The following FBXL17 variants were observed in gnomAD, a reference collection of about 807,000 sequenced individuals.
FBXL17 encodes F-box/LRR-repeat protein 17.
In FBXL17, 22 loss-of-function variants were observed where a neutral mutation model predicts 66.2. The ratio of observed to expected loss-of-function variants is 0.33; its 90% CI spans 0.24 to 0.47. The LOEUF is 0.47. Among genes scored for constraint, FBXL17 ranks in the 20% least tolerant of loss-of-function variants. The pLI, the probability that FBXL17 is intolerant of heterozygous loss-of-function variation, is 1.00. For synonymous variants in FBXL17, 474 were observed against 400.5 expected (o/e 1.18, Z -2.19); for missense variants, 878 against 948.2 (o/e 0.93, Z 0.97).
chr5:108,065,962 A>G (rs141033808), intron 6 of FBXL17, among the ~76,000 whole-genome samples: 1 of 152,184 alleles, frequency 6.6e-6, no homozygotes, highest in Non-Finnish European at 1.5e-5. Context: ...CTAATGGTAC[A>G]TGAGTACCTG....
intron 7 of FBXL17, among the ~76,000 whole-genome samples, chr5:107,966,744 T>C (rs988467563): frequency 2.0e-5 from 3 of 152,132 alleles, no homozygotes; most frequent in Non-Finnish European, 4.4e-5. Context: ...TGGCATCAAT[T>C]ACACTTACCT....
chr5:107,900,947 A>C (rs1749553680), intron 7 of FBXL17, among the ~76,000 whole-genome samples: 1 of 152,154 alleles, frequency 6.6e-6, no homozygotes, highest in African/African-American at 2.4e-5. Context: ...GGATTAGAGG[A>C]TTTGTAAAAC....
intron 4 of FBXL17, among the ~76,000 whole-genome samples, chr5:108,281,275 A>G (rs1757692528): frequency 6.6e-6 from 1 of 151,926 alleles, no homozygotes; most frequent in African/African-American, 2.4e-5. Flanking sequence ...CCACAAAACA[A>G]GTCTTGGCAC....
intron 6 of FBXL17, among the ~76,000 whole-genome samples, chr5:108,115,042 A>T (rs1408211867): frequency 6.6e-6 from 1 of 152,176 alleles, no homozygotes; most frequent in Non-Finnish European, 1.5e-5. Flanking sequence ...GCAATTTTTT[A>T]AATGACTGCA....
chr5:108,288,915 T>C (rs541645021), intron 4 of FBXL17, among the ~76,000 whole-genome samples: 2 of 152,102 alleles, frequency 1.3e-5, no homozygotes, highest in East Asian at 1.9e-4. Context: ...GAAGTAAAAC[T>C]ACATGAAGCA....
At chr5:108,122,251 T>G (rs1345209397) in intron 6 of FBXL17, among the ~76,000 whole-genome samples, 1 of 152,170 alleles carries the variant, frequency 6.6e-6, no homozygotes, top group African/African-American at 2.4e-5. Flanking sequence ...AGTCTCCATT[T>G]TAAACATGAA....
intron 4 of FBXL17, among the ~76,000 whole-genome samples, chr5:108,304,727 TTCTC>T (rs1382942155): frequency 6.6e-6 from 1 of 151,900 alleles, no homozygotes; most frequent in Admixed American, 6.6e-5. Flanking sequence ...AGAAACCTCT[TTCTC>T]TCTCTCCCTC....
At chr5:108,142,165 G>A (rs1751376543) in intron 6 of FBXL17, among the ~76,000 whole-genome samples, 2 of 152,114 alleles carry the variant, frequency 1.3e-5, no homozygotes, top group African/African-American at 2.4e-5. Context: ...ACTTTGATTG[G>A]CATTAATTTG....
At chr5:107,928,824 T>A (rs1750625878) in intron 7 of FBXL17, among the ~76,000 whole-genome samples, 1 of 152,196 alleles carries the variant, frequency 6.6e-6, no homozygotes, top group Non-Finnish European at 1.5e-5. Context: ...TCTCTAAGTG[T>A]AAGCAGCCAT....
intron 6 of FBXL17, among the ~76,000 whole-genome samples, chr5:108,029,949 G>C (rs1018823117): frequency 7.2e-5 from 11 of 151,970 alleles, no homozygotes; most frequent in Non-Finnish European, 1.3e-4. Flanking sequence ...CCATTTGTCT[G>C]TAAAATAAAT....
chr5:108,310,494 T>C (rs1038676087), intron 4 of FBXL17, among the ~76,000 whole-genome samples: 6 of 152,206 alleles, frequency 3.9e-5, no homozygotes, highest in Admixed American at 1.3e-4. Flanking sequence ...AGTTTGATTA[T>C]ATCAGAAACT....
chr5:107,880,340 A>G (rs1748747112), intron 8 of FBXL17: 5 of 980,214 alleles, frequency 5.1e-6, no homozygotes, highest in Non-Finnish European at 4.8e-6. Flanking sequence ...TGGCCTCCCA[A>G]TGTGCTGGGA....
At chr5:108,022,175 G>A (rs752606258) in intron 6 of FBXL17, among the ~76,000 whole-genome samples, 1 of 151,464 alleles carries the variant, frequency 6.6e-6, no homozygotes, top group African/African-American at 2.4e-5. Flanking sequence ...CAGAATAACC[G>A]AATAAACATT....
At chr5:108,240,073 T>C (rs1472499791) in intron 4 of FBXL17, among the ~76,000 whole-genome samples, 1 of 152,086 alleles carries the variant, frequency 6.6e-6, no homozygotes, top group African/African-American at 2.4e-5. Flanking sequence ...CAGGCACTAC[T>C]TGCCATGGGC....
At chr5:108,304,227 C>A (rs1468154068) in intron 4 of FBXL17, among the ~76,000 whole-genome samples, 5 of 151,918 alleles carry the variant, frequency 3.3e-5, no homozygotes, top group Admixed American at 2.0e-4. Context: ...CCGTATAATT[C>A]TTTAAATCTG....
intron 6 of FBXL17, among the ~76,000 whole-genome samples, chr5:108,154,310 T>C (rs1166780909): frequency 7.6e-6 from 1 of 130,854 alleles, no homozygotes; most frequent in Non-Finnish European, 1.6e-5. Context: ...AAAAAAAAGA[T>C]ATGCCAGGCA....
chr5:107,955,112 G>C (rs1247059812), intron 7 of FBXL17, among the ~76,000 whole-genome samples: 1 of 151,934 alleles, frequency 6.6e-6, no homozygotes, highest in African/African-American at 2.4e-5. Flanking sequence ...AATGCTAAAA[G>C]CTAGTAAACT....
intron 4 of FBXL17, among the ~76,000 whole-genome samples, chr5:108,336,737 T>C (rs1386513146): frequency 6.6e-6 from 1 of 152,160 alleles, no homozygotes; most frequent in East Asian, 1.9e-4. Flanking sequence ...TTTGGGACTT[T>C]ACTTCTTCAA....
Position 107,861,366 on chromosome 5 carries a change from T to C in FBXL17, c.*354A>G. 6.4e-6 allele frequency: 1 copy of C among 156,638 alleles called. No homozygotes were observed. 9.7% of individuals were successfully genotyped at this position (156,638 alleles called of 1,614,324 possible). On this transcript the variant is annotated 3_prime_UTR_variant, in exon 9 of 9. Transcript: ENST00000542267. ...TTCATCCCATGTAAAAAGAAGGCCT[T>C]CTTACTTGGACATCTCCAAGTGGCA...
Sources: allele counts gnomAD v4.1 joint callset (sites outside exome capture counted in the v4.1 genomes callset), GRCh38; gene constraint gnomAD v4.1.1; transcripts MANE v1.5; gene names NCBI Gene and HGNC (gene_info 2026-07-23, HGNC 2026-07-21).